Variants in ATAD5 observed in about 807,000 individuals in gnomAD.
ATAD5 encodes the protein ATPase family AAA domain containing 5.
Under a neutral mutation model 176.9 loss-of-function variants are expected in ATAD5, and 58 were observed. That is an observed-to-expected ratio of 0.33 (90% CI 0.27 to 0.41). The LOEUF is 0.41. ATAD5 is among the 10% of genes least tolerant of loss of function. The probability of loss-of-function intolerance (pLI) is 1.00; values close to 1 mark genes in which losing one functional copy is unlikely to be tolerated. For missense variants in ATAD5, 1,789 were observed against 2,094.1 expected (o/e 0.85, Z 2.84); for synonymous variants, 640 against 712.6 (o/e 0.90, Z 1.62).
chr17:30,884,749 CTTT>C lies in ATAD5; in HGVS notation c.4078-2429_4078-2427del, dbSNP rs71142006. On this transcript the variant is annotated intron_variant, in intron 18 of 22. Transcript: ENST00000321990. ...TGCCCCTTTCCTTATATTTCTTTTT[CTTT>C]TTTTTTTTTTTTTGAGACAGAGTCT... is the stretch of plus-strand genomic sequence containing the variant. Among the ~76,000 whole-genome samples, 153 of 115,780 alleles carry C rather than the reference CTTT, an allele frequency of 1.3e-3. 1 individual carries two copies. Among genetic ancestry groups the C allele is most frequent in the African/African-American group, 3.6e-3 (116 of 32,204 alleles). 76.0% of individuals were successfully genotyped at this position (115,780 alleles called of 152,430 possible).
intron 12 of ATAD5, 113 bp downstream of exon 12, chr17:30,868,525 G>A (rs376070231): frequency 2.2e-5 from 10 of 453,206 alleles, no homozygotes; most frequent in African/African-American, 4.6e-5. Context: ...TTTTTTTTTT[G>A]GAGACAGAGT....
chr17:30,892,309 C>G (rs538183246), intron 19 of ATAD5, among the ~76,000 whole-genome samples: 1 of 151,586 alleles, frequency 6.6e-6, no homozygotes, highest in Non-Finnish European at 1.5e-5. Context: ...CCTGTAATCC[C>G]GGCTACTCGG....
At chr17:30,847,854 G>C (rs954406960) in intron 6 of ATAD5, among the ~76,000 whole-genome samples, 5 of 151,340 alleles carry the variant, frequency 3.3e-5, no homozygotes, top group African/African-American at 1.2e-4. Flanking sequence ...CGAGTAGCTG[G>C]GACTGCAGGC....
chr17:30,884,749 CTTTT>C (rs71142006), intron 18 of ATAD5, among the ~76,000 whole-genome samples: 11 of 115,788 alleles, frequency 9.5e-5, no homozygotes, highest in Admixed American at 9.1e-5. Flanking sequence ...ATTTCTTTTT[CTTTT>C]TTTTTTTTTT....
At chr17:30,847,782 CAG>C (rs1177519373) in intron 6 of ATAD5, among the ~76,000 whole-genome samples, 1 of 144,200 alleles carries the variant, frequency 6.9e-6, no homozygotes, top group Non-Finnish European at 1.5e-5. Context: ...TGCAGTGGCA[CAG>C]TCTAGGCTCA....
At chr17:30,873,360 G>A (rs1416953962) in intron 14 of ATAD5, among the ~76,000 whole-genome samples, 1 of 145,492 alleles carries the variant, frequency 6.9e-6, no homozygotes, top group Non-Finnish European at 1.5e-5. Flanking sequence ...GCTCTGTCAC[G>A]AGGCTGGAGT....
chr17:30,857,148 T>A (rs73277967), intron 8 of ATAD5, 36 bp downstream of exon 8: 179,312 of 1,569,198 alleles, frequency 0.11, 11,705 homozygotes, highest in South Asian at 0.24. Flanking sequence ...GTAGAGTGTT[T>A]CCCTTACATC....
At chr17:30,856,527 C>A (rs1471010025) in intron 7 of ATAD5, among the ~76,000 whole-genome samples, 3 of 152,154 alleles carry the variant, frequency 2.0e-5, no homozygotes, top group Non-Finnish European at 4.4e-5. Context: ...CAGCTCACTG[C>A]AACCTCTGTC....
chr17:30,846,797 C>T (rs190306217), intron 6 of ATAD5, among the ~76,000 whole-genome samples: 6 of 151,180 alleles, frequency 4.0e-5, no homozygotes, highest in African/African-American at 1.2e-4. Flanking sequence ...ATCAGCTCAC[C>T]GCAACCTCCA....
chr17:30,875,639 T>C (rs1348240945), intron 14 of ATAD5, among the ~76,000 whole-genome samples: 1 of 151,638 alleles, frequency 6.6e-6, no homozygotes, highest in Non-Finnish European at 1.5e-5. Context: ...CTACTAAAAA[T>C]ACAAACGATT....
intron 3 of ATAD5, among the ~76,000 whole-genome samples, chr17:30,837,598 C>T (rs1460702687): frequency 1.3e-5 from 2 of 152,130 alleles, no homozygotes; most frequent in African/African-American, 4.8e-5. Context: ...CTAACACTGC[C>T]GATCTTAGTT....
rs1328838007 is a variant in ATAD5 at position 30,871,851 on chromosome 17, T to C, written c.3607+2205T>C. Among the ~76,000 whole-genome samples the C allele has an allele frequency of 2.0e-5, 3 of 152,314 alleles. No individual in the cohort carries two copies. The East Asian group carries it at 5.8e-4, about 29-fold the overall frequency. ...AAATTTATCAATCCTGCACTTTTTGTACCTATAACTGTTCGTTAACTTTCT... is the reference window on the plus strand; with the variant it reads ...AAATTTATCAATCCTGCACTTTTTGCACCTATAACTGTTCGTTAACTTTCT... On this transcript the variant is annotated intron_variant, in intron 14 of 22. Coordinates refer to ENST00000321990, the MANE Select transcript of ATAD5 (RefSeq NM_024857.5).
chr17:30,864,249 C>T (rs953465088), intron 10 of ATAD5: 2 of 152,316 alleles, frequency 1.3e-5, no homozygotes, highest in Admixed American at 1.3e-4. Context: ...TCTGGAAGTT[C>T]AGGAATGCAG....
At chr17:30,838,664 ATTC>A (rs1905901457) in intron 3 of ATAD5, among the ~76,000 whole-genome samples, 1 of 152,106 alleles carries the variant, frequency 6.6e-6, no homozygotes, top group African/African-American at 2.4e-5. Context: ...CACATATTTT[ATTC>A]TTCTTGATTT....
chr17:30,837,148 G>T, intron 2 of ATAD5, 58 bp from the exon 3 acceptor site: 1 of 964,754 alleles, frequency 1.0e-6, no homozygotes, highest in South Asian at 1.8e-5. Flanking sequence ...ATTTAATTGA[G>T]ATTCTTGTGT....
At chr17:30,837,403 G>A (rs1182316886) in intron 3 of ATAD5, 89 bp downstream of exon 3, 2 of 843,082 alleles carry the variant, frequency 2.4e-6, no homozygotes, top group Non-Finnish European at 3.7e-6. Flanking sequence ...GGGAAGTAAT[G>A]AGCCAAAATA....
At chr17:30,873,077 G>T (rs1040798487) in intron 14 of ATAD5, among the ~76,000 whole-genome samples, 1 of 152,112 alleles carries the variant, frequency 6.6e-6, no homozygotes, top group African/African-American at 2.4e-5. Flanking sequence ...TTTATGATGG[G>T]AGGATAAATC....
chr17:30,878,734 T>TTTTTG (rs1908830930), intron 17 of ATAD5, among the ~76,000 whole-genome samples: 4 of 128,782 alleles, frequency 3.1e-5, no homozygotes, highest in Non-Finnish European at 4.9e-5. Flanking sequence ...TTTTTTTTTT[T>TTTTTG]TTTTTTTTTT....
rs899243141 is a variant in ATAD5, at chr17:30,834,835, G to C, written c.754G>C (p.Val252Leu). 6.2e-7 allele frequency: 1 copy of C among 1,613,574 alleles called. No homozygotes were observed. Among genetic ancestry groups the C allele is most frequent in the Admixed American group, 1.7e-5 (1 of 59,952 alleles). Residue 252 changes from valine (V) to leucine (L), a missense_variant, in exon 2 of 23, where the codon GTA becomes CTA. Physicochemically the swap from Val to Leu is conservative, Grantham distance 32. Coordinates refer to ENST00000321990, the MANE Select transcript of ATAD5 (RefSeq NM_024857.5). ...TTSHANSRDNVTEAAQLNDSI... is the reference protein window; with the variant it reads ...TTSHANSRDNLTEAAQLNDSI... The stretch of plus-strand genomic sequence containing the variant: ...AAGCCATGCAAACTCTAGAGATAAC[G>C]TAACTGAAGCAGCCCAGTTAAATGA...
Sources: allele counts gnomAD v4.1 joint callset (sites outside exome capture counted in the v4.1 genomes callset), GRCh38; gene constraint gnomAD v4.1.1; transcripts MANE v1.5; gene names NCBI Gene and HGNC (gene_info 2026-07-23, HGNC 2026-07-21).